The following CAMTA1 variants were observed in gnomAD, a reference collection of about 807,000 sequenced individuals.
The protein encoded by CAMTA1 is calmodulin-binding transcription activator 1.
CAMTA1 carries 27 observed loss-of-function variants against 170.9 expected under a neutral mutation model. The ratio of observed to expected loss-of-function variants is 0.16; its 90% CI spans 0.12 to 0.22. The LOEUF (loss-of-function observed/expected upper bound fraction) is 0.22, where lower values mean the gene tolerates loss of function less well. Ranked by LOEUF, CAMTA1 falls within the 10% of genes least tolerant of loss-of-function variation. The pLI is 1.00. For synonymous variants in CAMTA1, 833 were observed against 891.5 expected (o/e 0.93, Z 1.17); for missense variants, 1,619 against 2,217.2 (o/e 0.73, Z 5.42).
intron 3 of CAMTA1, among the ~76,000 whole-genome samples, chr1:6,992,848 G>T (rs1365257779): frequency 6.6e-6 from 1 of 152,208 alleles, no homozygotes; most frequent in Non-Finnish European, 1.5e-5. Context: ...AATTTGGCAT[G>T]ATATTTGGGT....
chr1:7,708,372 C>G (rs2096543149), intron 11 of CAMTA1, among the ~76,000 whole-genome samples: 1 of 152,072 alleles, frequency 6.6e-6, no homozygotes, highest in South Asian at 2.1e-4. Flanking sequence ...GTGGCTTTCA[C>G]CTCTAATCTC....
At chr1:7,605,959 C>G (rs1046694617) in intron 6 of CAMTA1, among the ~76,000 whole-genome samples, 5 of 152,220 alleles carry the variant, frequency 3.3e-5, no homozygotes, top group African/African-American at 1.2e-4. Context: ...GTGACACTGT[C>G]CTCCCTTGGA....
rs1211321761 is a variant in CAMTA1, at chr1:7,144,279, GTGTT to G, written c.302+52912_302+52915del. On this transcript the variant is annotated intron_variant, in intron 4 of 22. Coordinates refer to ENST00000303635, the MANE Select transcript of CAMTA1 (RefSeq NM_015215.4). This position sits in a 1 kb window ranked among gnomAD's most constrained non-coding sequence, Gnocchi z 4.0. ...TGTGTGTGTTTGTGTGTATGAGTGT[GTGTT>G]TGTGTGTATGAGTGTGTGAGAGACA... is the stretch of plus-strand genomic sequence containing the variant. 1.3e-5 allele frequency among the ~76,000 whole-genome samples: 2 copies of G among 152,084 alleles called. No individual in the cohort carries two copies. Among genetic ancestry groups the G allele is most frequent in the East Asian group, 1.9e-4 (1 of 5,194 alleles).
At chr1:7,374,676 C>A (rs1481990734) in intron 5 of CAMTA1, among the ~76,000 whole-genome samples, 1 of 152,200 alleles carries the variant, frequency 6.6e-6, no homozygotes, top group African/African-American at 2.4e-5. Context: ...CGTGCGGCAC[C>A]CCTGAGCAAT....
chr1:7,622,929 G>C (rs913134797), intron 6 of CAMTA1, among the ~76,000 whole-genome samples: 4 of 152,206 alleles, frequency 2.6e-5, no homozygotes, highest in Non-Finnish European at 4.4e-5. Flanking sequence ...TGCTCCCTGT[G>C]AGCCCGAGTC....
chr1:7,298,334 G>A (rs1038144875), intron 5 of CAMTA1, among the ~76,000 whole-genome samples: 42 of 202 alleles, frequency 0.21, no homozygotes, highest in Admixed American at 0.4. Context: ...CCCCCACCCC[G>A]CAGGTCTTTT....
chr1:6,795,316 T>A (rs1642224005), intron 1 of CAMTA1, among the ~76,000 whole-genome samples: 1 of 151,934 alleles, frequency 6.6e-6, no homozygotes, highest in African/African-American at 2.4e-5. Flanking sequence ...GCCCCCTGAG[T>A]GACTGGGACT....
chr1:7,508,957 C>CA lies in CAMTA1; in HGVS notation c.510+41064dup, dbSNP rs151056708. ...TTCCCATACAGGGCTGGAAAACGTG[C>CA]AAAAAAAATGCCCATGGCCTGAGAC... is the stretch of plus-strand genomic sequence containing the variant. On this transcript the variant is annotated intron_variant, in intron 6 of 22. Coordinates refer to ENST00000303635, the MANE Select transcript of CAMTA1 (RefSeq NM_015215.4). Among the ~76,000 whole-genome samples the CA allele has an allele frequency of 5.4e-3, 816 of 151,952 alleles. 11 individuals are homozygous for CA. The highest frequency in any genetic ancestry group is 0.019 in the African/African-American group (785 of 41,466).
intron 5 of CAMTA1, among the ~76,000 whole-genome samples, chr1:7,279,418 G>A (rs914864142): frequency 1.3e-5 from 2 of 152,156 alleles, no homozygotes; most frequent in African/African-American, 4.8e-5. Flanking sequence ...TCAGGCTTAA[G>A]TAAGAGGCAG....
intron 4 of CAMTA1, among the ~76,000 whole-genome samples, chr1:7,189,902 G>T (rs527644858): frequency 2.2e-4 from 34 of 152,318 alleles, no homozygotes; most frequent in Non-Finnish European, 4.7e-4. Context: ...TCAACGAGTG[G>T]ATAAAGAAAC....
chr1:7,488,264 T>C (rs2093644412), intron 6 of CAMTA1, among the ~76,000 whole-genome samples: 1 of 152,196 alleles, frequency 6.6e-6, no homozygotes. Context: ...CTGGAGCAGC[T>C]GTGAGGCTGG....
At chr1:6,800,120 G>A (rs933345477) in intron 1 of CAMTA1, among the ~76,000 whole-genome samples, 7 of 151,894 alleles carry the variant, frequency 4.6e-5, no homozygotes, top group African/African-American at 1.2e-4. Context: ...TTTAAAAAAC[G>A]TAGGCCGGGT....
At chr1:6,798,600 T>TAG (rs1435736432) in intron 1 of CAMTA1, among the ~76,000 whole-genome samples, 34 of 127,984 alleles carry the variant, frequency 2.7e-4, no homozygotes, top group East Asian at 1.2e-3. Flanking sequence ...TTTTTTTTTT[T>TAG]TTTTTTTGAG....
At chr1:6,864,881 A>C (rs527317349) in intron 3 of CAMTA1, among the ~76,000 whole-genome samples, 128 of 152,298 alleles carry the variant, frequency 8.4e-4, no homozygotes, top group African/African-American at 3.0e-3. Flanking sequence ...GTGCCTCGGC[A>C]TGTCACTGTG....
intron 3 of CAMTA1, among the ~76,000 whole-genome samples, chr1:6,982,908 G>C (rs1694687413): frequency 6.6e-6 from 1 of 152,216 alleles, no homozygotes; most frequent in Non-Finnish European, 1.5e-5. Context: ...ATTGGGCCTG[G>C]TTTGTGGGCC....
At chr1:7,021,013 G>A (rs527749277) in intron 3 of CAMTA1, among the ~76,000 whole-genome samples, 11 of 152,350 alleles carry the variant, frequency 7.2e-5, no homozygotes, top group Non-Finnish European at 7.3e-5. Flanking sequence ...CCCCGGCCTC[G>A]GTGCACCCTG....
At chr1:7,034,471 T>C (rs770684604) in intron 3 of CAMTA1, among the ~76,000 whole-genome samples, 7 of 152,238 alleles carry the variant, frequency 4.6e-5, no homozygotes, top group Non-Finnish European at 8.8e-5. Context: ...TTTTTAATCC[T>C]GTTAAAAGGT....
chr1:7,483,842 G>T (rs2093576837), intron 6 of CAMTA1, among the ~76,000 whole-genome samples: 1 of 152,142 alleles, frequency 6.6e-6, no homozygotes, highest in Non-Finnish European at 1.5e-5. Context: ...CCCCAGGGGT[G>T]GCTCCTGGAG....
chr1:7,367,870 G>T (rs2086106798), intron 5 of CAMTA1, among the ~76,000 whole-genome samples: 1 of 151,976 alleles, frequency 6.6e-6, no homozygotes, highest in Non-Finnish European at 1.5e-5. Flanking sequence ...GTTTCGTTGG[G>T]CACAGACACT....
Sources: gnomAD v4.1 joint callset for allele counts (sites outside exome capture counted in the v4.1 genomes callset) on GRCh38, gnomAD v4.1.1 for gene constraint, Gnocchi (gnomAD v3.1) non-coding constraint, MANE v1.5 for transcripts, NCBI Gene and HGNC (gene_info 2026-07-23, HGNC 2026-07-21) for gene names.